ZNF532: variants seen among roughly 807,000 people sequenced by gnomAD.
ZNF532 encodes the protein zinc finger protein 532.
A neutral mutation model predicts 89.3 loss-of-function variants in ZNF532; 22 were observed. The observed-to-expected ratio is 0.25, with a 90% confidence interval of 0.18 to 0.35. The LOEUF is 0.35. Among genes scored for constraint, ZNF532 ranks in the 10% least tolerant of loss-of-function variants. The pLI, the probability that ZNF532 is intolerant of heterozygous loss-of-function variation, is 1.00. For missense variants in ZNF532, 1,132 were observed against 1,643.4 expected (o/e 0.69, Z 5.38); for synonymous variants, 606 against 649.6 (o/e 0.93, Z 1.02).
chr18:58,951,448 C>G (rs1892484093), intron 6 of ZNF532, among the ~76,000 whole-genome samples: 1 of 152,036 alleles, frequency 6.6e-6, no homozygotes, highest in African/African-American at 2.4e-5. Flanking sequence ...GTTTTGTTTT[C>G]TTTAGGTTTT....
intron 2 of ZNF532, among the ~76,000 whole-genome samples, chr18:58,893,486 G>T (rs919330036): frequency 6.6e-6 from 1 of 151,824 alleles, no homozygotes; most frequent in Non-Finnish European, 1.5e-5. Context: ...GCGAAACCCT[G>T]TCACTACAAA....
chr18:58,869,469 T>A (rs767019306), intron 2 of ZNF532, among the ~76,000 whole-genome samples: 2 of 152,200 alleles, frequency 1.3e-5, no homozygotes, highest in Non-Finnish European at 2.9e-5. Flanking sequence ...TCGGAAACAT[T>A]TGGCAGTCTA....
At chr18:58,874,343 TTATTC>T (rs141098934) in intron 2 of ZNF532, among the ~76,000 whole-genome samples, 8,451 of 152,202 alleles carry the variant, frequency 0.056, 708 homozygotes, top group East Asian at 0.38. Context: ...TATTTATATT[TTATTC>T]TATTATTTTT....
Position 58,865,292 on chromosome 18 carries a change from T to C in ZNF532, c.-221T>C, listed in dbSNP as rs946198091. ...GGAGAATGCTACTTTGCATGCTTTTTTTCTCTTGCAGGGTATGTTCTGTCT... is the reference window on the plus strand; with the variant it reads ...GGAGAATGCTACTTTGCATGCTTTTCTTCTCTTGCAGGGTATGTTCTGTCT... On this transcript the variant is annotated 5_prime_UTR_variant, in exon 1 of 10. Transcript: ENST00000591808. 3.3e-5 allele frequency: 5 copies of C among 152,224 alleles called. No homozygotes were observed. Among genetic ancestry groups the C allele is most frequent in the Admixed American group, 2.0e-4 (3 of 15,284 alleles). The allele number at this position is 152,224 out of a possible 1,614,324, so 9.4% of individuals were successfully genotyped here.
At chr18:58,920,769 T>C in intron 3 of ZNF532, 136 bp downstream of exon 3, 1 of 658,776 alleles carries the variant, frequency 1.5e-6, no homozygotes, top group East Asian at 2.7e-5. Context: ...TGTGTGTGTG[T>C]GTGTGTGTGT....
In ZNF532 at chr18:58,884,006, T is replaced by C. The variant is rs539965819; in HGVS notation, c.-18+18427T>C. Among the ~76,000 whole-genome samples, 14 of 150,804 alleles carry C rather than the reference T, an allele frequency of 9.3e-5. 2 individuals carry two copies. In the South Asian group the frequency reaches 3.0e-3, roughly 32 times the overall value. ...GAAGTAGGTTACCTTCAGCTACTAGTTTTCTCTTCCATGTTTTCTAATGCT... is the reference window on the plus strand; with the variant it reads ...GAAGTAGGTTACCTTCAGCTACTAGCTTTCTCTTCCATGTTTTCTAATGCT... On this transcript the variant is annotated intron_variant, in intron 2 of 9. Transcript: ENST00000591808.
intron 3 of ZNF532, chr18:58,931,798 A>T (rs2061987212): frequency 6.6e-6 from 1 of 150,660 alleles, no homozygotes; most frequent in South Asian, 2.1e-4. Flanking sequence ...ACATTGGCTG[A>T]GTGTGGTGGC....
intron 2 of ZNF532, among the ~76,000 whole-genome samples, chr18:58,887,211 G>A (rs1344683317): frequency 1.3e-5 from 2 of 152,240 alleles, no homozygotes; most frequent in Non-Finnish European, 2.9e-5. Flanking sequence ...AGGCCTTCTG[G>A]TCTCCTGCAG....
At chr18:58,976,067 C>T (rs1568462606) in intron 7 of ZNF532, among the ~76,000 whole-genome samples, 1 of 152,248 alleles carries the variant, frequency 6.6e-6, no homozygotes, top group African/African-American at 2.4e-5. Context: ...AAAGTACCTT[C>T]GAATAAGTTT....
At position 58,976,374 on chromosome 18, in the gene ZNF532, T is replaced by C. The variant is rs2067053223; in HGVS notation, c.3151-2681T>C. 2.0e-5 allele frequency among the ~76,000 whole-genome samples: 3 copies of C among 152,242 alleles called. No homozygotes were observed. In the South Asian group the frequency reaches 6.2e-4, roughly 31 times the overall value. On this transcript the variant is annotated intron_variant, in intron 7 of 9. Transcript: ENST00000591808. ...TATTAAAATTTTGTTTTGATGTTAA[T>C]ATTACTACACAAGAAGAAATAGAAT...
intron 2 of ZNF532, among the ~76,000 whole-genome samples, chr18:58,904,114 G>T (rs1049699936): frequency 2.0e-4 from 30 of 152,144 alleles, no homozygotes. Context: ...ACTTTGGGAG[G>T]CCGAGGCAGG....
chr18:58,974,303 C>T (rs966232202), intron 7 of ZNF532, among the ~76,000 whole-genome samples: 3 of 152,262 alleles, frequency 2.0e-5, no homozygotes, highest in Admixed American at 6.5e-5. Context: ...AACACAGCTT[C>T]CATCTATAAT....
At chr18:58,894,427 A>G (rs2059117919) in intron 2 of ZNF532, among the ~76,000 whole-genome samples, 2 of 149,804 alleles carry the variant, frequency 1.3e-5, no homozygotes, top group African/African-American at 4.9e-5. Context: ...AGATTGCACC[A>G]CTGCACTCCA....
intron 2 of ZNF532, among the ~76,000 whole-genome samples, chr18:58,869,131 G>T (rs2056750483): frequency 6.6e-6 from 1 of 152,180 alleles, no homozygotes; most frequent in African/African-American, 2.4e-5. Context: ...CCAAAATGTT[G>T]GTTTGCGTTG....
chr18:58,880,797 G>C (rs1281293803), intron 2 of ZNF532, among the ~76,000 whole-genome samples: 1 of 96,540 alleles, frequency 1.0e-5, no homozygotes, highest in Admixed American at 1.1e-4. Flanking sequence ...TGTATGTTTG[G>C]GGCCCCTCAG....
At position 58,959,253 on chromosome 18, in the gene ZNF532, G is replaced by GTTTTTTTTTTTTTTTTTTTT. The variant is rs201150500; in HGVS notation, c.3150+5460_3150+5461insTTTTTTTTTTTTTTTTTTTT. ...GAACCTTAGATCTTTTCAGTTTTTT[G>GTTTTTTTTTTTTTTTTTTTT]TTTTTTGTTTTTTTTTGTTTTTTTT... is the stretch of plus-strand genomic sequence containing the variant. On this transcript the variant is annotated intron_variant, in intron 7 of 9. Transcript: ENST00000591808. Among the ~76,000 whole-genome samples, 41 of 121,642 alleles carry GTTTTTTTTTTTTTTTTTTTT rather than the reference G, an allele frequency of 3.4e-4. 1 individual carries two copies. Among genetic ancestry groups the GTTTTTTTTTTTTTTTTTTTT allele is most frequent in the South Asian group, 5.8e-4 (2 of 3,458 alleles). The allele number at this position is 121,642 out of a possible 152,430, so 79.8% of individuals were successfully genotyped here. A position where few individuals can be genotyped will look rare whatever the true frequency, so the allele number is the denominator to read the frequency against.
chr18:58,922,085 G>A (rs1480749357), intron 3 of ZNF532, among the ~76,000 whole-genome samples: 1 of 151,830 alleles, frequency 6.6e-6, no homozygotes, highest in African/African-American at 2.4e-5. Flanking sequence ...CCAGCCTCAG[G>A]TGACAGAGCA....
chr18:58,896,305 A>T (rs1224985489), intron 2 of ZNF532: 4 of 152,138 alleles, frequency 2.6e-5, no homozygotes, highest in African/African-American at 9.7e-5. Flanking sequence ...ACCCATGGTA[A>T]AAGTTTTCCA....
intron 3 of ZNF532, among the ~76,000 whole-genome samples, chr18:58,931,200 C>A (rs1212552606): frequency 6.6e-6 from 1 of 152,092 alleles, no homozygotes; most frequent in East Asian, 1.9e-4. Context: ...ATGCTTTTTT[C>A]TATTGAAAAG....
Sources: gnomAD v4.1 joint callset for allele counts (sites outside exome capture counted in the v4.1 genomes callset) on GRCh38, gnomAD v4.1.1 for gene constraint, MANE v1.5 for transcripts, NCBI Gene and HGNC (gene_info 2026-07-23, HGNC 2026-07-21) for gene names.